HIVEP1: variants seen among roughly 807,000 people sequenced by gnomAD.
HIVEP1 encodes HIVEP zinc finger 1.
In HIVEP1, 36 loss-of-function variants were observed where a neutral mutation model predicts 180.0. The ratio of observed to expected loss-of-function variants is 0.20; its 90% CI spans 0.15 to 0.26. The LOEUF is 0.26. Among genes scored for constraint, HIVEP1 ranks in the 10% least tolerant of loss-of-function variants. The pLI is 1.00. For synonymous variants in HIVEP1, 1,239 were observed against 1,239.0 expected (o/e 1.00, Z 0.00); for missense variants, 3,143 against 3,268.7 (o/e 0.96, Z 0.94).
At chr6:12,051,566 A>G (rs142248839) in intron 2 of HIVEP1, among the ~76,000 whole-genome samples, 123 of 152,116 alleles carry the variant, frequency 8.1e-4, no homozygotes, top group African/African-American at 2.8e-3. Flanking sequence ...CTATATAATT[A>G]GTGCATTTTA....
the HIVEP1 span, among the ~76,000 whole-genome samples, chr6:12,188,944 A>C: frequency 6.6e-6 from 1 of 152,048 alleles, no homozygotes; most frequent in Admixed American, 6.5e-5. Flanking sequence ...CAAATATTAT[A>C]GGAAATAAAA....
In HIVEP1 at chr6:12,163,483, G is replaced by A. The variant is rs764953786; in HGVS notation, c.7179G>A (p.Arg2393=). 1.4e-5 allele frequency: 23 copies of A among 1,613,998 alleles called. No individual in the cohort carries two copies. Among genetic ancestry groups the A allele is most frequent in the Non-Finnish European group, 1.8e-5 (21 of 1,180,032 alleles). ...CTTTGCATTCCCAGCAGCAATCGAG[G>A]ACACCTTATAATATGGTTCCAGTTG... ...HLPLHSQQQS[R]TPYNMVPVGG... The change falls in exon 9 of 9, where the codon AGG becomes AGA. Residue 2393 remains arginine, a synonymous_variant. Coordinates refer to ENST00000379388, the MANE Select transcript of HIVEP1 (RefSeq NM_002114.4).
rs1460773172 is a variant in HIVEP1, at chr6:12,122,973, T to C, written c.3178T>C (p.Phe1060Leu). 6.2e-7 allele frequency: 1 copy of C among 1,613,944 alleles called. No individual in the cohort carries two copies. The highest frequency in any genetic ancestry group is 1.7e-5 in the Admixed American group (1 of 59,994). ...TSPKSSEGLQ[F>L]QNALGCNPSL... The stretch of plus-strand genomic sequence containing the variant: ...TCCAAAAAGTTCTGAAGGCCTTCAG[T>C]TTCAGAATGCTCTGGGCTGTAATCC... Residue 1060 changes from phenylalanine to leucine, a missense_variant, in exon 4 of 9, where the codon TTT becomes CTT. Coordinates refer to ENST00000379388, the MANE Select transcript of HIVEP1 (RefSeq NM_002114.4).
chr6:12,140,826 G>C (rs1654223677), intron 7 of HIVEP1, among the ~76,000 whole-genome samples: 1 of 152,160 alleles, frequency 6.6e-6, no homozygotes, highest in African/African-American at 2.4e-5. Context: ...AGAAAAAAGA[G>C]TAGAAAGAAA....
chr6:12,168,221 T>G (rs1474096083), downstream of HIVEP1, among the ~76,000 whole-genome samples: 5 of 60,614 alleles, frequency 8.2e-5, no homozygotes, highest in Admixed American at 1.8e-4. Context: ...CATATATACA[T>G]ATATTATATA....
intron 7 of HIVEP1, among the ~76,000 whole-genome samples, chr6:12,158,564 G>C (rs543463707): frequency 2.0e-5 from 3 of 152,112 alleles, no homozygotes; most frequent in Non-Finnish European, 4.4e-5. Context: ...GAGGAGGATG[G>C]GGTGCTGTCT....
In HIVEP1 at chr6:12,124,052, G is replaced by T. The variant is rs1581734007; in HGVS notation, c.4257G>T (p.Val1419=). 36 of 1,614,084 alleles carry T rather than the reference G, an allele frequency of 2.2e-5. No individual in the cohort carries two copies. Among genetic ancestry groups the T allele is most frequent in the African/African-American group, 2.1e-4 (16 of 75,018 alleles). ...CTCGAGTGGGAGTGACTGGGCATGT[G>T]CCTCTCTTAGAAAGAAGGAGAGGCC... is the stretch of plus-strand genomic sequence containing the variant. ...SPSRVGVTGH[V]PLLERRRGPL... is the part of the protein sequence containing the mutation. Residue 1419 remains valine (V), a synonymous_variant, in exon 4 of 9, where the codon GTG becomes GTT. Transcript: ENST00000379388.
In HIVEP1 at chr6:12,121,724, C is replaced by T. The variant is rs776760535; in HGVS notation, c.1929C>T (p.His643=). The T allele has an allele frequency of 1.7e-5, 27 of 1,614,052 alleles. No individual in the cohort carries two copies. Among genetic ancestry groups the T allele is most frequent in the East Asian group, 1.6e-4 (7 of 44,888 alleles). ...AAGACTCTCACGTAGGAACGGTACA[C>T]GCCCAGCTACAAAGGCAGCAGGCTA... ...GKQDSHVGTV[H]AQLQRQQATD... The change falls in exon 4 of 9, where the codon CAC becomes CAT. Residue 643 remains histidine (H), a synonymous_variant. Transcript: ENST00000379388. This position sits in a 1 kb window ranked among gnomAD's most constrained non-coding sequence, Gnocchi z 5.3.
upstream of HIVEP1, among the ~76,000 whole-genome samples, chr6:12,011,495 C>T (rs904847793): frequency 7.3e-5 from 11 of 151,614 alleles, no homozygotes; most frequent in Non-Finnish European, 1.0e-4. Flanking sequence ...CGGGCCCGCC[C>T]CTCCGCCCCC....
At position 12,120,967 on chromosome 6, in the gene HIVEP1, G is replaced by C; in HGVS notation, c.1172G>C (p.Cys391Ser). 1.2e-6 allele frequency: 2 copies of C among 1,614,110 alleles called. No homozygotes were observed. Among genetic ancestry groups the C allele is most frequent in the Non-Finnish European group, 1.7e-6 (2 of 1,180,010 alleles). Reference protein sequence around the residue: ...SVVNQSVEQMCNLLLKDQKPK... With the variant: ...SVVNQSVEQMSNLLLKDQKPK... ...GTTAATCAAAGCGTAGAGCAAATGT[G>C]CAATCTTCTTCTGAAAGATCAGAAG... Residue 391 changes from cysteine (C) to serine (S), a missense_variant, in exon 4 of 9, where the codon TGC becomes TCC. Cys to Ser is a moderately radical substitution (Grantham distance 112). This residue lies in a region of HIVEP1 where 306 missense variants were observed against 310.6 expected (regional missense o/e 0.99). Coordinates refer to ENST00000379388, the MANE Select transcript of HIVEP1 (RefSeq NM_002114.4).
intron 3 of HIVEP1, among the ~76,000 whole-genome samples, chr6:12,105,433 T>TTTGGACTTTTATCCTCTCCAGGATC (rs1774364609): frequency 6.6e-6 from 1 of 152,312 alleles, no homozygotes; most frequent in South Asian, 2.1e-4. Context: ...ATCTCCCCTG[T>TTTGGACTTTTATCCTCTCCAGGATC]TTGGACTTTT....
At chr6:12,156,391 A>G (rs1283367500) in intron 7 of HIVEP1, among the ~76,000 whole-genome samples, 2 of 152,116 alleles carry the variant, frequency 1.3e-5, no homozygotes, top group African/African-American at 2.4e-5. Context: ...TCTTTAATCC[A>G]TCTTGAGTTA....
the HIVEP1 span, among the ~76,000 whole-genome samples, chr6:12,203,974 G>A: frequency 6.6e-6 from 1 of 152,144 alleles, no homozygotes; most frequent in African/African-American, 2.4e-5. Flanking sequence ...CTACTTGGGA[G>A]GCTGAGGCAG....
intron 2 of HIVEP1, among the ~76,000 whole-genome samples, chr6:12,081,660 T>C (rs546281927): frequency 9.2e-5 from 14 of 152,260 alleles, no homozygotes; most frequent in African/African-American, 3.1e-4. Flanking sequence ...ATTTTCACTC[T>C]TCTTTTATTG....
chr6:12,089,384 G>C (rs185409387), intron 3 of HIVEP1, 147 bp downstream of exon 3: 2 of 510,610 alleles, frequency 3.9e-6, no homozygotes, highest in African/African-American at 4.0e-5. Context: ...TTAAAATGTT[G>C]TGGACTTTGC....
In HIVEP1 at chr6:12,048,149, C is replaced by T. The variant is rs562159511; in HGVS notation, c.40+32481C>T. Among the ~76,000 whole-genome samples the T allele has an allele frequency of 1.7e-3, 264 of 152,292 alleles. 1 individual carries two copies. The Middle Eastern group carries it at 0.034, about 20-fold the overall frequency. ...GCGGGCATCTCCATTTCAGCCAGTT[C>T]TTTGTCCCAGCTTCAAAAGTCATAA... On this transcript the variant is annotated intron_variant, in intron 2 of 8. Coordinates refer to ENST00000379388, the MANE Select transcript of HIVEP1 (RefSeq NM_002114.4).
chr6:12,200,594 G>A, the HIVEP1 span, among the ~76,000 whole-genome samples: 1 of 152,174 alleles, frequency 6.6e-6, no homozygotes, highest in African/African-American at 2.4e-5. Flanking sequence ...GAGTCTAGAA[G>A]GCCATTATTG....
rs929418350 is a variant in HIVEP1, at chr6:12,013,781, A to G, written c.-104+1215A>G. On this transcript the variant is annotated intron_variant, in intron 1 of 8. Coordinates refer to ENST00000379388, the MANE Select transcript of HIVEP1 (RefSeq NM_002114.4). ...GGAGCTGAGAAACCCTATCTTTTATAGATCACTTAGCACAATGCTAGATGA... is the reference window on the plus strand; with the variant it reads ...GGAGCTGAGAAACCCTATCTTTTATGGATCACTTAGCACAATGCTAGATGA... Among the ~76,000 whole-genome samples the G allele has an allele frequency of 7.9e-5, 12 of 152,052 alleles. 1 individual carries two copies. Among genetic ancestry groups the G allele is most frequent in the Admixed American group, 7.2e-4 (11 of 15,260 alleles).
At position 12,119,920 on chromosome 6, in the gene HIVEP1, C is replaced by A; in HGVS notation, c.125C>A (p.Ser42Ter). The A allele has an allele frequency of 6.4e-7, 1 of 1,573,040 alleles. No homozygotes were observed. The highest frequency in any genetic ancestry group is 1.2e-5 in the South Asian group (1 of 83,850). The change falls in exon 4 of 9, where the codon TCG becomes TAG. Residue 42 changes from serine to a stop codon, truncating the protein, a stop_gained. Coordinates refer to ENST00000379388, the MANE Select transcript of HIVEP1 (RefSeq NM_002114.4). LOFTEE classifies it high-confidence loss of function. Reference sequence around the variant, plus strand: ...TTACAGGCTGGTGTTAAAGGAACTTCGGAATCCCTTAAAGGTGTGAAACGC... The same window carrying A: ...TTACAGGCTGGTGTTAAAGGAACTTAGGAATCCCTTAAAGGTGTGAAACGC... ...EILQAGVKGT[S>*]ESLKGVKRKK...
Sources: gnomAD v4.1 joint callset for allele counts (sites outside exome capture counted in the v4.1 genomes callset) on GRCh38, gnomAD v4.1.1 for gene constraint, gnomAD v4.1.1 regional missense constraint, Gnocchi (gnomAD v3.1) non-coding constraint, MANE v1.5 for transcripts, NCBI Gene and HGNC (gene_info 2026-07-23, HGNC 2026-07-21) for gene names.